SLC16A7: variants seen among roughly 807,000 people sequenced by gnomAD.
SLC16A7 encodes solute carrier family 16 member 7.
Under a neutral mutation model 34.9 loss-of-function variants are expected in SLC16A7, and 33 were observed. That is an observed-to-expected ratio of 0.94 (90% CI 0.72 to 1.26). The LOEUF is 1.26. SLC16A7 is among the 50% of genes most tolerant of loss of function. The pLI is 0.00. For missense variants in SLC16A7, 573 were observed against 578.1 expected, an observed-to-expected ratio of 0.99 and a Z score of 0.09; for synonymous variants, 201 against 206.6, an observed-to-expected ratio of 0.97 and a Z score of 0.23.
intron 3 of SLC16A7, among the ~76,000 whole-genome samples, chr12:59,708,835 G>T (rs941228980): frequency 1.3e-5 from 2 of 151,490 alleles, no homozygotes; most frequent in African/African-American, 2.4e-5. Context: ...TGAAAGGTTC[G>T]CAGGAAGGAT....
At chr12:59,666,421 G>C (rs1018004420) in intron 2 of SLC16A7, among the ~76,000 whole-genome samples, 11 of 152,112 alleles carry the variant, frequency 7.2e-5, no homozygotes, top group Non-Finnish European at 1.6e-4. Context: ...GTTTACAAAA[G>C]GAGATTCTCA....
intron 2 of SLC16A7, among the ~76,000 whole-genome samples, chr12:59,700,484 TA>T (rs1872749044): frequency 6.7e-6 from 1 of 149,102 alleles, no homozygotes; most frequent in African/African-American, 2.4e-5. Context: ...GAAATATTAA[TA>T]ATTGTATTAA....
chr12:59,710,073 A>G (rs1351443246), intron 3 of SLC16A7, among the ~76,000 whole-genome samples: 2 of 151,706 alleles, frequency 1.3e-5, no homozygotes, highest in African/African-American at 4.9e-5. Flanking sequence ...AGAACACACT[A>G]TGAGATAGCC....
At chr12:59,737,558 A>C (rs2137267348) in intron 3 of SLC16A7, among the ~76,000 whole-genome samples, 1 of 152,340 alleles carries the variant, frequency 6.6e-6, no homozygotes. Flanking sequence ...CTTTGACTGC[A>C]ATAAAAAGGG....
intron 2 of SLC16A7, among the ~76,000 whole-genome samples, chr12:59,695,545 C>G (rs1465603186): frequency 6.6e-6 from 1 of 152,052 alleles, no homozygotes; most frequent in Non-Finnish European, 1.5e-5. Flanking sequence ...CCTCTTTACT[C>G]ATAGTCTTCC....
chr12:59,721,091 G>T (rs544404418), intron 3 of SLC16A7, among the ~76,000 whole-genome samples: 2 of 151,970 alleles, frequency 1.3e-5, no homozygotes, highest in African/African-American at 2.4e-5. Flanking sequence ...AGGTGGGCCC[G>T]AAATGCTGCT....
chr12:59,787,555 A>T lies in SLC16A7; in HGVS notation c.*7876A>T, dbSNP rs571155286. 2.6e-5 allele frequency: 4 copies of T among 152,162 alleles called. 1 individual carries two copies. The highest frequency in any genetic ancestry group is 5.9e-5 in the Non-Finnish European group (4 of 68,028). 9.4% of individuals were successfully genotyped at this position (152,162 alleles called of 1,614,324 possible). A position where few individuals can be genotyped will look rare whatever the true frequency, so the allele number is the denominator to read the frequency against. ...AACAAAAATCACACCTAAATTAAAGATCTGTGGTGAAGGGGAAGAGGGGTT... is the reference window on the plus strand; with the variant it reads ...AACAAAAATCACACCTAAATTAAAGTTCTGTGGTGAAGGGGAAGAGGGGTT... On this transcript the variant is annotated 3_prime_UTR_variant, in exon 6 of 6. Transcript: ENST00000547379.
intron 2 of SLC16A7, among the ~76,000 whole-genome samples, chr12:59,698,348 T>C (rs1872545768): frequency 6.6e-6 from 1 of 151,810 alleles, no homozygotes. Flanking sequence ...ATTAAATTTA[T>C]ATACATAAAT....
chr12:59,768,741 A>G (rs1293596533), intron 3 of SLC16A7, among the ~76,000 whole-genome samples: 1 of 152,118 alleles, frequency 6.6e-6, no homozygotes, highest in Non-Finnish European at 1.5e-5. Flanking sequence ...TCACACTTAT[A>G]ATCCCAGCAT....
intron 3 of SLC16A7, among the ~76,000 whole-genome samples, chr12:59,706,878 G>A (rs1873648559): frequency 6.6e-6 from 1 of 152,064 alleles, no homozygotes; most frequent in South Asian, 2.1e-4. Flanking sequence ...TGAGCAGATA[G>A]TTGACTAACT....
chr12:59,779,549 G>A lies in SLC16A7; in HGVS notation c.1307G>A (p.Arg436Lys). 6.2e-7 allele frequency: 1 copy of A among 1,612,978 alleles called. No homozygotes were observed. Among genetic ancestry groups the A allele is most frequent in the Non-Finnish European group, 8.5e-7 (1 of 1,179,446 alleles). ...AACTATAGATTGCTTGCAAAGGAAA[G>A]GAAGGAGGAAAATGCAAGGCAGAAG... ...AINYRLLAKERKEENARQKTR... is the reference protein window; with the variant it reads ...AINYRLLAKEKKEENARQKTR... Residue 436 changes from arginine (R) to lysine (K), a missense_variant, in exon 6 of 6, where the codon AGG becomes AAG. Coordinates refer to ENST00000547379, the MANE Select transcript of SLC16A7 (RefSeq NM_001270623.2).
At chr12:59,718,880 C>A (rs1875233291) in intron 3 of SLC16A7, among the ~76,000 whole-genome samples, 1 of 152,078 alleles carries the variant, frequency 6.6e-6, no homozygotes, top group Admixed American at 6.6e-5. Context: ...CCATCTTTAG[C>A]CTATGGTACT....
intron 2 of SLC16A7, chr12:59,696,444 A>T (rs980619804): frequency 1.3e-5 from 2 of 151,942 alleles, no homozygotes; most frequent in African/African-American, 2.4e-5. Context: ...TTCAAATATC[A>T]CTCTTCAAAG....
intron 1 of SLC16A7, among the ~76,000 whole-genome samples, chr12:59,619,500 A>C (rs1166600010): frequency 1.3e-5 from 2 of 152,062 alleles, no homozygotes; most frequent in South Asian, 2.1e-4. Flanking sequence ...AAATACATGT[A>C]ATGTGAATTC....
At chr12:59,685,735 A>G (rs543498255) in intron 2 of SLC16A7, among the ~76,000 whole-genome samples, 13 of 152,290 alleles carry the variant, frequency 8.5e-5, no homozygotes, top group African/African-American at 3.1e-4. Context: ...TGAATATACA[A>G]TATACAAGGT....
chr12:59,651,799 G>A (rs1868346947), intron 1 of SLC16A7, among the ~76,000 whole-genome samples: 2 of 152,094 alleles, frequency 1.3e-5, no homozygotes, highest in African/African-American at 4.8e-5. Flanking sequence ...TCCATTTATA[G>A]CGTTTGCTAG....
chr12:59,679,104 C>G (rs1462478771), intron 2 of SLC16A7, among the ~76,000 whole-genome samples: 1 of 152,140 alleles, frequency 6.6e-6, no homozygotes, highest in Non-Finnish European at 1.5e-5. Context: ...TCCTAGGCCC[C>G]CAAGAGTGCA....
rs117882828 is a variant in SLC16A7, at chr12:59,682,788, C to T, written c.-30-21984C>T. Among the ~76,000 whole-genome samples the T allele has an allele frequency of 6.5e-3, 985 of 152,074 alleles. 21 individuals carry two copies. Among genetic ancestry groups the T allele is most frequent in the Admixed American group, 0.039 (595 of 15,272 alleles). ...TATATTGTCTAAGTAAAACAAATTG[C>T]GGCCAGTCACAGTAGCTCACGCCTG... is the stretch of plus-strand genomic sequence containing the variant. On this transcript the variant is annotated intron_variant, in intron 2 of 5. Coordinates refer to ENST00000547379, the MANE Select transcript of SLC16A7 (RefSeq NM_001270623.2).
At chr12:59,700,542 G>T (rs1218496558) in intron 2 of SLC16A7, among the ~76,000 whole-genome samples, 1 of 148,812 alleles carries the variant, frequency 6.7e-6, no homozygotes, top group Non-Finnish European at 1.5e-5. Flanking sequence ...TTGACTCTTT[G>T]ATCTATATAT....
Sources: allele counts gnomAD v4.1 joint callset (sites outside exome capture counted in the v4.1 genomes callset), GRCh38; gene constraint gnomAD v4.1.1; transcripts MANE v1.5; gene names NCBI Gene and HGNC (gene_info 2026-07-23, HGNC 2026-07-21).